The following REC114 variants were observed in gnomAD, a reference collection of about 807,000 sequenced individuals.
The protein encoded by REC114 is REC114 meiotic recombination protein.
Under a neutral mutation model 31.3 loss-of-function variants are expected in REC114, and 27 were observed. That is an observed-to-expected ratio of 0.86 (90% CI 0.64 to 1.19). The LOEUF is 1.19. REC114 is among the 50% of genes most tolerant of loss of function. The pLI, the probability that REC114 is intolerant of heterozygous loss-of-function variation, is 0.00. For missense variants in REC114, 344 were observed against 326.9 expected (o/e 1.05, Z -0.40); for synonymous variants, 134 against 127.7 (o/e 1.05, Z -0.33).
intron 1 of REC114, among the ~76,000 whole-genome samples, chr15:73,463,747 C>G (rs549239850): frequency 6.6e-6 from 1 of 151,640 alleles, no homozygotes; most frequent in East Asian, 2.0e-4. Flanking sequence ...CTTGAACCCA[C>G]GAGACAGAGG....
intron 1 of REC114, among the ~76,000 whole-genome samples, chr15:73,472,625 A>G (rs1595863938): frequency 6.6e-6 from 1 of 152,288 alleles, no homozygotes. Flanking sequence ...AAGGATGTTT[A>G]CCTTACGGTG....
intron 2 of REC114, 55 bp from the exon 3 acceptor site, chr15:73,540,430 A>G (rs1894221867): frequency 2.5e-6 from 3 of 1,194,248 alleles, no homozygotes; most frequent in Non-Finnish European, 2.5e-6. Context: ...CTGCAGCCAT[A>G]GCTATTCTTC....
chr15:73,508,511 G>C (rs926940314), intron 2 of REC114, among the ~76,000 whole-genome samples: 2 of 144,164 alleles, frequency 1.4e-5, no homozygotes, highest in African/African-American at 2.6e-5. Context: ...AGTTACATAT[G>C]TATACATGTG....
At chr15:73,507,687 G>C (rs750271455) in intron 2 of REC114, among the ~76,000 whole-genome samples, 2 of 152,100 alleles carry the variant, frequency 1.3e-5, no homozygotes, top group Admixed American at 6.5e-5. Context: ...TGTTTTATGT[G>C]TATATATGTA....
intron 2 of REC114, among the ~76,000 whole-genome samples, chr15:73,516,486 C>T (rs575988160): frequency 6.6e-6 from 1 of 152,038 alleles, no homozygotes; most frequent in South Asian, 2.1e-4. Context: ...AAAGATCTCC[C>T]AAGGAGATAA....
intron 2 of REC114, among the ~76,000 whole-genome samples, chr15:73,482,396 G>T (rs563836177): frequency 6.6e-6 from 1 of 152,186 alleles, no homozygotes; most frequent in African/African-American, 2.4e-5. Context: ...CATGCGACAT[G>T]CCTCTTCCCC....
At chr15:73,556,583 G>A (rs1190195434) in intron 5 of REC114, among the ~76,000 whole-genome samples, 192 bp downstream of exon 5, 1 of 152,150 alleles carries the variant, frequency 6.6e-6, no homozygotes, top group African/African-American at 2.4e-5. Flanking sequence ...TAAGTTGTGA[G>A]GTGAGACATG....
At chr15:73,513,349 A>C (rs934072859) in intron 2 of REC114, among the ~76,000 whole-genome samples, 7 of 150,536 alleles carry the variant, frequency 4.7e-5, no homozygotes, top group African/African-American at 1.7e-4. Context: ...CACTCTTCTA[A>C]ATTTTTTTCA....
chr15:73,507,357 T>G lies in REC114; in HGVS notation c.250-33128T>G, dbSNP rs1186330397. The stretch of plus-strand genomic sequence containing the variant: ...CAAATTTGCAAACTTTCTCAAATTA[T>G]GAGATTTTTTTTTTAAAGCTCATCA... On this transcript the variant is annotated intron_variant, in intron 2 of 5. Transcript: ENST00000331090. 3.9e-5 allele frequency among the ~76,000 whole-genome samples: 6 copies of G among 152,156 alleles called. No individual in the cohort carries two copies. In the East Asian group the frequency reaches 1.2e-3, roughly 29 times the overall value.
Position 73,506,478 on chromosome 15 carries a change from C to T in REC114, c.249+32557C>T, listed in dbSNP as rs184373079. 1.6e-3 allele frequency among the ~76,000 whole-genome samples: 238 copies of T among 152,216 alleles called. 2 individuals are homozygous for T. Among genetic ancestry groups the T allele is most frequent in the Admixed American group, 2.0e-3 (31 of 15,286 alleles). On this transcript the variant is annotated intron_variant, in intron 2 of 5. Transcript: ENST00000331090. The stretch of plus-strand genomic sequence containing the variant: ...AGAGATGCCTGCAGTGCTGATAAAA[C>T]GTGGCTGAAGTGCCACTAGAAATGA...
intron 1 of REC114, among the ~76,000 whole-genome samples, chr15:73,461,922 CTTTT>C (rs961387922): frequency 1.3e-5 from 1 of 78,212 alleles, no homozygotes; most frequent in Admixed American, 1.4e-4. Context: ...TTTTTCTTTT[CTTTT>C]TTTTTTTTTT....
At chr15:73,499,587 C>T (rs951273980) in intron 2 of REC114, among the ~76,000 whole-genome samples, 2 of 152,152 alleles carry the variant, frequency 1.3e-5, no homozygotes, top group African/African-American at 4.8e-5. Context: ...TTTCTTTAGT[C>T]TCTTATTAAG....
intron 2 of REC114, among the ~76,000 whole-genome samples, chr15:73,528,607 A>G (rs1291344712): frequency 6.6e-6 from 1 of 152,254 alleles, no homozygotes; most frequent in Non-Finnish European, 1.5e-5. Flanking sequence ...CTTTTGAGCC[A>G]AGAATAGTTT....
At chr15:73,528,937 C>A (rs1894040380) in intron 2 of REC114, among the ~76,000 whole-genome samples, 1 of 151,964 alleles carries the variant, frequency 6.6e-6, no homozygotes, top group Non-Finnish European at 1.5e-5. Context: ...AGAGACATGA[C>A]AAGTATCACA....
chr15:73,554,503 ATAT>A (rs1175121325), intron 4 of REC114, among the ~76,000 whole-genome samples: 1 of 152,200 alleles, frequency 6.6e-6, no homozygotes, highest in Non-Finnish European at 1.5e-5. Flanking sequence ...TTACTGGCTC[ATAT>A]TTTAGTTTTT....
At chr15:73,485,731 C>A (rs1437120875) in intron 2 of REC114, among the ~76,000 whole-genome samples, 1 of 152,152 alleles carries the variant, frequency 6.6e-6, no homozygotes, top group Admixed American at 6.5e-5. Flanking sequence ...GTACAGCCTG[C>A]AGAACTGTGA....
rs142972180 is a variant in REC114, at chr15:73,539,044, C to A, written c.250-1441C>A. The stretch of plus-strand genomic sequence containing the variant: ...GTAATTTTGATATTGCCAAATTGCC[C>A]TCCGTAAGCATTGTACCAATTTGCA... On this transcript the variant is annotated intron_variant, in intron 2 of 5. Coordinates refer to ENST00000331090, the MANE Select transcript of REC114 (RefSeq NM_001042367.2). 2.5e-4 allele frequency among the ~76,000 whole-genome samples: 38 copies of A among 152,082 alleles called. No homozygotes were observed. The East Asian group carries it at 7.2e-3, about 29-fold the overall frequency.
intron 2 of REC114, chr15:73,484,051 G>GTTT (rs1176210262): frequency 2.0e-5 from 3 of 152,248 alleles, no homozygotes; most frequent in African/African-American, 7.2e-5. Flanking sequence ...TCTGATTGGG[G>GTTT]TTTTGTTGTT....
At chr15:73,532,641 C>T (rs1003597622) in intron 2 of REC114, among the ~76,000 whole-genome samples, 9 of 152,246 alleles carry the variant, frequency 5.9e-5, no homozygotes, top group African/African-American at 2.2e-4. Context: ...TCCTCTCCAG[C>T]ACTAGCAAGG....
Sources: gnomAD v4.1 joint callset for allele counts (sites outside exome capture counted in the v4.1 genomes callset) on GRCh38, gnomAD v4.1.1 for gene constraint, MANE v1.5 for transcripts, NCBI Gene and HGNC (gene_info 2026-07-23, HGNC 2026-07-21) for gene names.